Variants in SLC2A13 observed in about 807,000 individuals in gnomAD.
SLC2A13 encodes the protein solute carrier family 2 member 13.
A neutral mutation model predicts 64.4 loss-of-function variants in SLC2A13; 32 were observed. The ratio of observed to expected loss-of-function variants is 0.50; its 90% CI spans 0.37 to 0.67. The LOEUF (loss-of-function observed/expected upper bound fraction) is 0.67, where lower values mean the gene tolerates loss of function less well. Ranked by LOEUF, SLC2A13 falls within the 30% of genes least tolerant of loss-of-function variation. SLC2A13 has a pLI of 0.00. For missense variants in SLC2A13, 743 were observed against 829.2 expected, an observed-to-expected ratio of 0.90 and a Z score of 1.28; for synonymous variants, 338 against 327.1, an observed-to-expected ratio of 1.03 and a Z score of -0.36.
chr12:39,918,224 G>A (rs531220018), intron 4 of SLC2A13, among the ~76,000 whole-genome samples: 4 of 152,220 alleles, frequency 2.6e-5, no homozygotes, highest in Admixed American at 1.3e-4. Context: ...CACACCCAGA[G>A]GGTTACAACC....
chr12:39,843,878 G>C (rs1326264578), intron 6 of SLC2A13, among the ~76,000 whole-genome samples: 2 of 151,918 alleles, frequency 1.3e-5, no homozygotes, highest in African/African-American at 4.8e-5. Context: ...TATCATCCTG[G>C]TTCTGAGCTA....
intron 7 of SLC2A13, among the ~76,000 whole-genome samples, chr12:39,794,398 G>A (rs1331667632): frequency 6.6e-6 from 1 of 152,124 alleles, no homozygotes; most frequent in Non-Finnish European, 1.5e-5. Context: ...ATTACATTTG[G>A]CCTAGAGCTG....
chr12:39,990,081 T>C (rs189062471), intron 3 of SLC2A13, among the ~76,000 whole-genome samples: 43 of 152,346 alleles, frequency 2.8e-4, no homozygotes, highest in African/African-American at 1.0e-3. Flanking sequence ...TCCTTCCTTT[T>C]ATATACAGTT....
intron 3 of SLC2A13, among the ~76,000 whole-genome samples, chr12:39,964,163 G>C (rs1946464536): frequency 6.6e-6 from 1 of 152,106 alleles, no homozygotes; most frequent in Non-Finnish European, 1.5e-5. Context: ...CTGAACATAT[G>C]AGGCTGTAAA....
chr12:39,928,233 A>G (rs1251697563), intron 4 of SLC2A13, among the ~76,000 whole-genome samples: 1 of 152,182 alleles, frequency 6.6e-6, no homozygotes, highest in Non-Finnish European at 1.5e-5. Flanking sequence ...CAGCACTAAT[A>G]TAAGTTATGC....
chr12:39,875,334 A>C (rs1944155345), intron 4 of SLC2A13, among the ~76,000 whole-genome samples: 1 of 152,200 alleles, frequency 6.6e-6, no homozygotes, highest in African/African-American at 2.4e-5. Context: ...TGATTTGTCA[A>C]GTCCCTCTCA....
chr12:39,836,823 C>T (rs1371956470), intron 6 of SLC2A13, among the ~76,000 whole-genome samples: 1 of 97,678 alleles, frequency 1.0e-5, no homozygotes, highest in Non-Finnish European at 2.0e-5. Flanking sequence ...CAAACCACTG[C>T]TCAAGGAAAT....
chr12:39,788,180 A>G (rs1941256497), intron 7 of SLC2A13, among the ~76,000 whole-genome samples: 1 of 152,168 alleles, frequency 6.6e-6, no homozygotes, highest in Non-Finnish European at 1.5e-5. Flanking sequence ...ACCAAACCCT[A>G]TAGATGCTGT....
intron 3 of SLC2A13, among the ~76,000 whole-genome samples, chr12:40,012,257 T>A (rs936431510): frequency 1.5e-4 from 23 of 152,226 alleles, no homozygotes; most frequent in Non-Finnish European, 3.2e-4. Flanking sequence ...TTGTGTTTTA[T>A]TGGAAACAAC....
At chr12:40,101,079 T>C (rs1440533903) in intron 1 of SLC2A13, among the ~76,000 whole-genome samples, 2 of 151,030 alleles carry the variant, frequency 1.3e-5, no homozygotes, top group African/African-American at 4.9e-5. Flanking sequence ...AAAGTTCAGA[T>C]GGTCATGGTA....
intron 3 of SLC2A13, among the ~76,000 whole-genome samples, chr12:40,018,208 G>A (rs950348790): frequency 1.3e-5 from 2 of 152,078 alleles, no homozygotes; most frequent in Non-Finnish European, 2.9e-5. Context: ...TTTACTGGAA[G>A]AAATCCACAC....
chr12:40,102,007 A>G lies in SLC2A13; in HGVS notation c.556+3246T>C, dbSNP rs1939167021. ...AATAAGCACTTTTCTGGCTACATCT[A>G]CATCATCTGCTGAACACCTACTCAC... On this transcript the variant is annotated intron_variant, in intron 1 of 9. Transcript: ENST00000280871. 1.3e-5 allele frequency among the ~76,000 whole-genome samples: 2 copies of G among 152,158 alleles called. 1 individual carries two copies. Among genetic ancestry groups the G allele is most frequent in the South Asian group, 4.2e-4 (2 of 4,816 alleles).
At chr12:40,095,674 C>T (rs1938914696) in intron 1 of SLC2A13, among the ~76,000 whole-genome samples, 1 of 152,096 alleles carries the variant, frequency 6.6e-6, no homozygotes, top group South Asian at 2.1e-4. Context: ...ATATTACAAT[C>T]CCTCAAGTGA....
At chr12:39,763,765 T>G (rs374240559) in intron 9 of SLC2A13, among the ~76,000 whole-genome samples, 41 of 152,242 alleles carry the variant, frequency 2.7e-4, no homozygotes, top group African/African-American at 9.9e-4. Flanking sequence ...TATAAAGTCA[T>G]GTGAACAATG....
chr12:39,809,851 G>A (rs938529642), intron 7 of SLC2A13, among the ~76,000 whole-genome samples: 1 of 152,082 alleles, frequency 6.6e-6, no homozygotes, highest in Non-Finnish European at 1.5e-5. Flanking sequence ...CCTTTTTTAT[G>A]GCTGCATAGT....
chr12:39,875,892 C>A (rs1221866696), intron 4 of SLC2A13, among the ~76,000 whole-genome samples: 1 of 152,128 alleles, frequency 6.6e-6, no homozygotes, highest in African/African-American at 2.4e-5. Flanking sequence ...AACCTTTATG[C>A]AGTAGTTTGC....
intron 3 of SLC2A13, among the ~76,000 whole-genome samples, chr12:39,994,487 G>GA (rs897616689): frequency 9.4e-5 from 14 of 149,558 alleles, no homozygotes; most frequent in African/African-American, 1.2e-4. Context: ...TAGAAAAAGG[G>GA]AAAAAAAAAC....
At chr12:40,057,693 T>C (rs954775943) in intron 1 of SLC2A13, among the ~76,000 whole-genome samples, 1 of 152,190 alleles carries the variant, frequency 6.6e-6, no homozygotes, top group East Asian at 1.9e-4. Context: ...AAGCATTAAC[T>C]GGTCTTTTTC....
rs1023742688 is a variant in SLC2A13 at position 39,755,178 on chromosome 12, T to C, written c.*4848A>G. On this transcript the variant is annotated 3_prime_UTR_variant, in exon 10 of 10. Coordinates refer to ENST00000280871, the MANE Select transcript of SLC2A13 (RefSeq NM_052885.4). ...TTACATGTATATCACTAAATCTCCA[T>C]AAAATATACAATACTTTTGATACAG... 2 of 152,126 alleles carry C rather than the reference T, an allele frequency of 1.3e-5. No individual in the cohort carries two copies. Among genetic ancestry groups the C allele is most frequent in the African/African-American group, 4.8e-5 (2 of 41,456 alleles). 9.4% of individuals were successfully genotyped at this position (152,126 alleles called of 1,614,324 possible).
Sources: gnomAD v4.1 joint callset for allele counts (sites outside exome capture counted in the v4.1 genomes callset) on GRCh38, gnomAD v4.1.1 for gene constraint, MANE v1.5 for transcripts, NCBI Gene and HGNC (gene_info 2026-07-23, HGNC 2026-07-21) for gene names.